The following PRKCZ variants were observed in gnomAD, a reference collection of about 807,000 sequenced individuals.
The protein encoded by PRKCZ is protein kinase C zeta, also known as protein kinase C zeta type.
Under a neutral mutation model 79.5 loss-of-function variants are expected in PRKCZ, and 33 were observed. That is an observed-to-expected ratio of 0.41 (90% CI 0.31 to 0.55). The LOEUF is 0.55. PRKCZ is among the 20% of genes least tolerant of loss of function. The probability of loss-of-function intolerance (pLI) is 0.19; values close to 1 mark genes in which losing one functional copy is unlikely to be tolerated. For missense variants in PRKCZ, 578 were observed against 813.5 expected, an observed-to-expected ratio of 0.71 and a Z score of 3.52; for synonymous variants, 342 against 320.9, an observed-to-expected ratio of 1.07 and a Z score of -0.70.
chr1:2,065,153 T>C (rs1661012753), intron 4 of PRKCZ, among the ~76,000 whole-genome samples: 1 of 152,258 alleles, frequency 6.6e-6, no homozygotes, highest in East Asian at 1.9e-4. Flanking sequence ...TTGTTTATTG[T>C]AAGTGTATAA....
At position 2,064,549 on chromosome 1, in the gene PRKCZ, T is replaced by C. The variant is rs532668733; in HGVS notation, c.334+4958T>C. ...ATCCTGAGTTAATTTTTGTATGTGGTGTAAGGTAAGCATCTAACTTCATTC... is the reference window on the plus strand; with the variant it reads ...ATCCTGAGTTAATTTTTGTATGTGGCGTAAGGTAAGCATCTAACTTCATTC... On this transcript the variant is annotated intron_variant, in intron 4 of 17. Transcript: ENST00000378567. Among the ~76,000 whole-genome samples the C allele has an allele frequency of 2.6e-5, 4 of 152,338 alleles. No individual in the cohort carries two copies. The East Asian group carries it at 5.8e-4, about 22-fold the overall frequency.
At chr1:2,093,625 C>T (rs935508373) in intron 4 of PRKCZ, among the ~76,000 whole-genome samples, 10 of 152,208 alleles carry the variant, frequency 6.6e-5, no homozygotes, top group African/African-American at 2.2e-4. Context: ...TGAGGGTGTC[C>T]GGGTGGCTGT....
chr1:2,117,655 G>C (rs531179229), intron 4 of PRKCZ, among the ~76,000 whole-genome samples: 1 of 152,128 alleles, frequency 6.6e-6, no homozygotes, highest in African/African-American at 2.4e-5. Context: ...CACCATTAAG[G>C]GTGCTGTTTG....
rs531857997 is a variant in PRKCZ, at chr1:2,130,398, G to T, written c.335-4864G>T. Among the ~76,000 whole-genome samples, 12 of 152,290 alleles carry T rather than the reference G, an allele frequency of 7.9e-5. 1 individual carries two copies. In the South Asian group the frequency reaches 2.5e-3, roughly 32 times the overall value. On this transcript the variant is annotated intron_variant, in intron 4 of 17. Coordinates refer to ENST00000378567, the MANE Select transcript of PRKCZ (RefSeq NM_002744.6). ...GTCCCCAGGGCCAGGGGCTCCTGGCGTGCCTTCCCGTGGGACTCCGCATGG... is the reference window on the plus strand; with the variant it reads ...GTCCCCAGGGCCAGGGGCTCCTGGCTTGCCTTCCCGTGGGACTCCGCATGG...
intron 4 of PRKCZ, chr1:2,104,997 C>A: frequency 1.1e-6 from 1 of 885,414 alleles, no homozygotes; most frequent in Non-Finnish European, 1.4e-6. Context: ...GGCTTGTTGA[C>A]CTTGATCTGT....
intron 4 of PRKCZ, among the ~76,000 whole-genome samples, chr1:2,062,030 A>G (rs1467607682): frequency 1.3e-5 from 2 of 152,184 alleles, no homozygotes; most frequent in Non-Finnish European, 2.9e-5. Context: ...CCAGAGGCAG[A>G]CGAGGGCAGG....
At chr1:2,140,901 G>A (rs1305538777) in intron 5 of PRKCZ, among the ~76,000 whole-genome samples, 14 of 152,222 alleles carry the variant, frequency 9.2e-5, no homozygotes, top group Non-Finnish European at 1.5e-5. Flanking sequence ...CCAGGAGGCG[G>A]AGGCTGCAGT....
intron 10 of PRKCZ, among the ~76,000 whole-genome samples, chr1:2,159,174 GC>G (rs1681719462): frequency 6.6e-6 from 1 of 152,176 alleles, no homozygotes; most frequent in Non-Finnish European, 1.5e-5. Context: ...TAGCTGGGGG[GC>G]TGTGAAAACT....
chr1:2,133,008 C>CT (rs918580181), intron 4 of PRKCZ, among the ~76,000 whole-genome samples: 1 of 152,202 alleles, frequency 6.6e-6, no homozygotes, highest in African/African-American at 2.4e-5. Context: ...CCGGCGGGGA[C>CT]TGGGGACGCC....
chr1:2,088,603 A>C (rs1270119798), intron 4 of PRKCZ, among the ~76,000 whole-genome samples: 1 of 152,200 alleles, frequency 6.6e-6, no homozygotes, highest in Non-Finnish European at 1.5e-5. Context: ...TGAGCCCAGC[A>C]GAGTCTTCCC....
chr1:2,055,699 T>G, intron 2 of PRKCZ, 137 bp downstream of exon 2: 2 of 1,297,114 alleles, frequency 1.5e-6, no homozygotes, highest in Non-Finnish European at 1.0e-6. Context: ...GCGCCAACTT[T>G]TCCCCAGTGG....
chr1:2,174,077 A>G lies in PRKCZ; in HGVS notation c.1405+61A>G, dbSNP rs1684983345. 11 of 1,514,880 alleles carry G rather than the reference A, an allele frequency of 7.3e-6. No homozygotes were observed. Among genetic ancestry groups the G allele is most frequent in the Admixed American group, 2.0e-5 (1 of 49,568 alleles). 93.8% of individuals were successfully genotyped at this position (1,514,880 alleles called of 1,614,324 possible). A position where few individuals can be genotyped will look rare whatever the true frequency, so the allele number is the denominator to read the frequency against. On this transcript the variant is annotated intron_variant, in intron 14 of 17. Coordinates refer to ENST00000378567, the MANE Select transcript of PRKCZ (RefSeq NM_002744.6). This position sits in a 1 kb window ranked among gnomAD's most constrained non-coding sequence, Gnocchi z 6.2. ...GCACGACTGTCTTCCTTCCTTTTCAAAGGTGCAGGTGGAGGGGTCCCGCGG... is the reference window on the plus strand; with the variant it reads ...GCACGACTGTCTTCCTTCCTTTTCAGAGGTGCAGGTGGAGGGGTCCCGCGG...
intron 4 of PRKCZ, among the ~76,000 whole-genome samples, chr1:2,086,521 G>A (rs759978769): frequency 3.9e-5 from 6 of 152,194 alleles, no homozygotes; most frequent in African/African-American, 1.4e-4. Context: ...ATCAGGTTTT[G>A]TGTGTTGCTC....
chr1:2,123,423 T>TCA (rs1557623251), intron 4 of PRKCZ, among the ~76,000 whole-genome samples: 1 of 11,900 alleles, frequency 8.4e-5, no homozygotes, highest in Admixed American at 1.3e-3. Context: ...GTGGTTAGGG[T>TCA]TGTGGTGGTT....
intron 4 of PRKCZ, among the ~76,000 whole-genome samples, chr1:2,097,436 G>A (rs1666716408): frequency 6.6e-6 from 1 of 152,206 alleles, no homozygotes; most frequent in African/African-American, 2.4e-5. Flanking sequence ...AGAAGCAGGG[G>A]TCACTGGCGA....
rs1659537834 is a variant in PRKCZ at position 2,050,500 on chromosome 1, T to G, written c.-131T>G. ...GCGCGCCGCCGGAGTTCCGCGGAGT[T>G]GACCGGGTCGGCGCCGTCGGTCCTG... On this transcript the variant is annotated 5_prime_UTR_variant, in exon 1 of 18. Transcript: ENST00000378567. The G allele has an allele frequency of 2.2e-6, 1 of 446,260 alleles. No homozygotes were observed. The highest frequency in any genetic ancestry group is 3.4e-6 in the Non-Finnish European group (1 of 297,628). 27.6% of individuals were successfully genotyped at this position (446,260 alleles called of 1,614,324 possible).
chr1:2,117,882 T>C (rs1375566016), intron 4 of PRKCZ, among the ~76,000 whole-genome samples: 2 of 152,182 alleles, frequency 1.3e-5, no homozygotes, highest in Non-Finnish European at 2.9e-5. Context: ...ATTCCTGTAG[T>C]GTGCCTCGTT....
At chr1:2,169,369 G>A (rs1683960501) in intron 10 of PRKCZ, 149 bp from the exon 11 acceptor site, 1 of 727,626 alleles carries the variant, frequency 1.4e-6, no homozygotes, top group Middle Eastern at 2.3e-4. Context: ...CCTCTCTGCT[G>A]CCAGGGTGCT....
At chr1:2,080,598 A>G (rs894781492) in intron 4 of PRKCZ, among the ~76,000 whole-genome samples, 3 of 152,174 alleles carry the variant, frequency 2.0e-5, no homozygotes, top group Non-Finnish European at 4.4e-5. Context: ...AAAAATCAGG[A>G]CAGGAGTAGA....
Sources: allele counts gnomAD v4.1 joint callset (sites outside exome capture counted in the v4.1 genomes callset), GRCh38; gene constraint gnomAD v4.1.1; non-coding constraint Gnocchi (gnomAD v3.1); transcripts MANE v1.5; gene names NCBI Gene and HGNC (gene_info 2026-07-23, HGNC 2026-07-21).